Variants in OR2T34 observed in about 807,000 individuals in gnomAD.
OR2T34 encodes olfactory receptor family 2 subfamily T member 34.
For synonymous variants in OR2T34, 73 were observed against 151.2 expected, an observed-to-expected ratio of 0.48 and a Z score of 3.79; for missense variants, 200 against 384.5, an observed-to-expected ratio of 0.52 and a Z score of 4.01.
rs1392381767 is a variant in OR2T34, at chr1:248,574,164, G to A, written c.594C>T (p.Ser198=). The change falls in exon 1 of 1, where the codon TCC becomes TCT. Residue 198 remains serine (S), a synonymous_variant. Transcript: ENST00000328782. ...ACAGGTACGTGAGCATCTTATAGAG[G>A]GAGACGTCAGAGCAGGAGAGCTTCA... ...ALLKLSCSDV[S]LYKMLTYLCC... 6.2e-7 allele frequency: 1 copy of A among 1,606,964 alleles called. No individual in the cohort carries two copies. Among genetic ancestry groups the A allele is most frequent in the South Asian group, 1.1e-5 (1 of 91,062 alleles).
rs1172052423 is a variant in OR2T34 at position 248,574,025 on chromosome 1, TG to T, written c.732del (p.Thr245ProfsTer6). On this transcript the variant is annotated frameshift_variant, in exon 1 of 1. Coordinates refer to ENST00000328782, the MANE Select transcript of OR2T34 (RefSeq NM_001001821.1). LOFTEE classifies it low-confidence loss of function (END_TRUNC). ...NSAAGRRKAL[A>X]TCSSHMIIVL... The stretch of plus-strand genomic sequence containing the variant: ...ACTATGATCATGTGGGAGGAGCAGG[TG>T]GCCAAGGCCTTCCTGCGGCCGGCGG... 2 of 1,591,914 alleles carry T rather than the reference TG, an allele frequency of 1.3e-6. No individual in the cohort carries two copies. The highest frequency in any genetic ancestry group is 1.6e-5 in the African/African-American group (1 of 62,416).
chr1:248,573,927 C>T lies in OR2T34; in HGVS notation c.831G>A (p.Met277Ile), dbSNP rs777882650. The T allele has an allele frequency of 1.8e-6, 2 of 1,115,240 alleles. No individual in the cohort carries two copies. Among genetic ancestry groups the T allele is most frequent in the East Asian group, 4.9e-5 (2 of 40,604 alleles). The allele number at this position is 1,115,240 out of a possible 1,614,324, so 69.1% of individuals were successfully genotyped here. Residue 277 changes from methionine to isoleucine, a missense_variant, in exon 1 of 1, where the codon ATG becomes ATA. Physicochemically the swap from Met to Ile is conservative, Grantham distance 10. Transcript: ENST00000328782. Reference protein sequence around the residue: ...RSSYHTAEQDMMVSAFYTIFT... With the variant: ...RSSYHTAEQDIMVSAFYTIFT... ...AGATGGTGTAAAAGGCAGACACCAT[C>T]ATGTCCTGCTCAGCTGTGTGGTAGG...
In OR2T34 at chr1:248,574,042, C is replaced by T. The variant is rs61833441; in HGVS notation, c.716G>A (p.Arg239His). 0.12 allele frequency: 149,439 copies of T among 1,227,308 alleles called. 6,762 individuals are homozygous for T. Among genetic ancestry groups the T allele is most frequent in the East Asian group, 0.33 (10,369 of 31,260 alleles). 76.0% of individuals were successfully genotyped at this position (1,227,308 alleles called of 1,614,324 possible). Reference protein sequence around the residue: ...LIHRMNSAAGRRKALATCSSH... With the variant: ...LIHRMNSAAGHRKALATCSSH... Reference sequence around the variant, plus strand: ...GGAGCAGGTGGCCAAGGCCTTCCTGCGGCCGGCGGCAGAATTCATCCTGTG... The same window carrying T: ...GGAGCAGGTGGCCAAGGCCTTCCTGTGGCCGGCGGCAGAATTCATCCTGTG... The change falls in exon 1 of 1, where the codon CGC (arginine) becomes CAC (histidine). Residue 239 changes from arginine (R) to histidine (H), a missense_variant. Arg to His is a conservative substitution (Grantham distance 29, BLOSUM62 0). Transcript: ENST00000328782.
Position 248,574,196 on chromosome 1 carries a change from C to G in OR2T34, c.562G>C (p.Ala188Pro), listed in dbSNP as rs1659717921. The stretch of plus-strand genomic sequence containing the variant: ...TCAGAGCAGGAGAGCTTCAGCAGGG[C>G]AGGAGTCTCACAGAAAAAACTCAGG... Reference protein sequence around the residue: ...KILSFFCETPALLKLSCSDVS... With the variant: ...KILSFFCETPPLLKLSCSDVS... Residue 188 changes from alanine (A) to proline (P), a missense_variant, in exon 1 of 1, where the codon GCC becomes CCC. Ala to Pro is a conservative substitution (Grantham distance 27). Coordinates refer to ENST00000328782, the MANE Select transcript of OR2T34 (RefSeq NM_001001821.1). 1.2e-6 allele frequency: 2 copies of G among 1,607,472 alleles called. No individual in the cohort carries two copies. The highest frequency in any genetic ancestry group is 2.9e-5 in the African/African-American group (2 of 69,194).
chr1:248,573,987 G>A lies in OR2T34; in HGVS notation c.771C>T (p.Phe257=), dbSNP rs757322498. The A allele has an allele frequency of 1.3e-5, 20 of 1,556,272 alleles. No homozygotes were observed. Among genetic ancestry groups the A allele is most frequent in the South Asian group, 5.6e-5 (5 of 89,284 alleles). Residue 257 remains phenylalanine (F), a synonymous_variant, in exon 1 of 1, where the codon TTC becomes TTT. Coordinates refer to ENST00000328782, the MANE Select transcript of OR2T34 (RefSeq NM_001001821.1). ...GCATGTAGGTGTAGAAGGAAGCACC[G>A]AAGAGCAGCAGCACTATGATCATGT... ...SSHMIIVLLL[F]GASFYTYMLR... is the part of the protein sequence containing the mutation.
Position 248,574,436 on chromosome 1 carries a change from A to G in OR2T34, c.322T>C (p.Phe108Leu). ...SPSGCGIQMF[F>L]HLTLAGAEVF... ...TCAGCTCCAGCCAGGGTCAGGTGGA[A>G]GAACATCTGGATCCCACAGCCTGAC... Residue 108 changes from phenylalanine to leucine, a missense_variant, in exon 1 of 1, where the codon TTC (phenylalanine) becomes CTC (leucine). By Grantham distance (22) the Phe-to-Leu change is conservative. Coordinates refer to ENST00000328782, the MANE Select transcript of OR2T34 (RefSeq NM_001001821.1). The G allele has an allele frequency of 3.2e-6, 5 of 1,587,224 alleles. No individual in the cohort carries two copies. The highest frequency in any genetic ancestry group is 3.4e-6 in the Non-Finnish European group (4 of 1,162,312).
rs764235396 is a variant in OR2T34 at position 248,574,454 on chromosome 1, A to G, written c.304T>C (p.Cys102Arg). Residue 102 changes from cysteine (C) to arginine (R), a missense_variant, in exon 1 of 1, where the codon TGT becomes CGT. By Grantham distance (180) the Cys-to-Arg change is radical (BLOSUM62 -3). Transcript: ENST00000328782. ...TGDDTISPSG[C>R]GIQMFFHLTL... ...AGGTGGAAGAACATCTGGATCCCAC[A>G]GCCTGACGGGGAAATGGTATCATCT... is the stretch of plus-strand genomic sequence containing the variant. 31 of 1,586,604 alleles carry G rather than the reference A, an allele frequency of 2.0e-5. 1 individual carries two copies. The highest frequency in any genetic ancestry group is 2.6e-5 in the Non-Finnish European group (30 of 1,162,284).
Position 248,574,085 on chromosome 1 carries a change from G to A in OR2T34, c.673C>T (p.Leu225Phe), listed in dbSNP as rs775675620. 3 of 1,606,936 alleles carry A rather than the reference G, an allele frequency of 1.9e-6. No homozygotes were observed. Among genetic ancestry groups the A allele is most frequent in the Non-Finnish European group, 2.5e-6 (3 of 1,179,666 alleles). ...ATCCTGTGGATGAGATGCAGGATGAGGGTGTATGAGCTGGAGATGACCATG... is the reference window on the plus strand; with the variant it reads ...ATCCTGTGGATGAGATGCAGGATGAAGGTGTATGAGCTGGAGATGACCATG... ...PIMVISSSYT[L>F]ILHLIHRMNS... The change falls in exon 1 of 1, where the codon CTC (leucine) becomes TTC (phenylalanine). Residue 225 changes from leucine (L) to phenylalanine (F), a missense_variant. Transcript: ENST00000328782.
Position 248,573,961 on chromosome 1 carries a change from A to C in OR2T34, c.797T>G (p.Leu266Arg). ...CTCAGCTGTGTGGTAGGAACTCCGG[A>C]GCATGTAGGTGTAGAAGGAAGCACC... ...LFGASFYTYM[L>R]RSSYHTAEQD... Residue 266 changes from leucine (L) to arginine (R), a missense_variant, in exon 1 of 1, where the codon CTC (leucine) becomes CGC (arginine). Transcript: ENST00000328782. 1 of 967,262 alleles carries C rather than the reference A, an allele frequency of 1.0e-6. No individual in the cohort carries two copies. Among genetic ancestry groups the C allele is most frequent in the Non-Finnish European group, 1.6e-6 (1 of 637,878 alleles). The allele number at this position is 967,262 out of a possible 1,614,324, so 59.9% of individuals were successfully genotyped here. A position where few individuals can be genotyped will look rare whatever the true frequency, so the allele number is the denominator to read the frequency against.
In OR2T34 at chr1:248,574,051, G is replaced by A. The variant is rs780654633; in HGVS notation, c.707C>T (p.Ala236Val). ...GGCCAAGGCCTTCCTGCGGCCGGCG[G>A]CAGAATTCATCCTGTGGATGAGATG... Reference protein sequence around the residue: ...ILHLIHRMNSAAGRRKALATC... With the variant: ...ILHLIHRMNSVAGRRKALATC... Residue 236 changes from alanine to valine, a missense_variant, in exon 1 of 1, where the codon GCC (alanine) becomes GTC (valine). Ala to Val is a moderately conservative substitution (Grantham distance 64, BLOSUM62 0). Coordinates refer to ENST00000328782, the MANE Select transcript of OR2T34 (RefSeq NM_001001821.1). 20 of 1,603,572 alleles carry A rather than the reference G, an allele frequency of 1.2e-5. No homozygotes were observed. The highest frequency in any genetic ancestry group is 1.7e-4 in the Middle Eastern group (1 of 6,052).
chr1:248,574,729 T>C lies in OR2T34; in HGVS notation c.29A>G (p.Asn10Ser). MCSGNQTSQ[N>S]QTASTDFTLT... ...GGTGAAATCAGTGCTTGCTGTTTGA[T>C]TCTGAGAAGTCTGATTCCCTGAGCA... Residue 10 changes from asparagine (N) to serine (S), a missense_variant, in exon 1 of 1, where the codon AAT becomes AGT. By Grantham distance (46) the Asn-to-Ser change is conservative (BLOSUM62 1). Transcript: ENST00000328782. 6.3e-7 allele frequency: 1 copy of C among 1,578,628 alleles called. No homozygotes were observed. Among genetic ancestry groups the C allele is most frequent in the Non-Finnish European group, 8.6e-7 (1 of 1,161,444 alleles).
rs145246159 is a variant in OR2T34, at chr1:248,574,453, C to T, written c.305G>A (p.Cys102Tyr). ...TGDDTISPSG[C>Y]GIQMFFHLTL... ...CAGGTGGAAGAACATCTGGATCCCACAGCCTGACGGGGAAATGGTATCATC... is the reference window on the plus strand; with the variant it reads ...CAGGTGGAAGAACATCTGGATCCCATAGCCTGACGGGGAAATGGTATCATC... The change falls in exon 1 of 1, where the codon TGT (cysteine) becomes TAT (tyrosine). Residue 102 changes from cysteine to tyrosine, a missense_variant. Coordinates refer to ENST00000328782, the MANE Select transcript of OR2T34 (RefSeq NM_001001821.1). 7.1e-4 allele frequency: 1,127 copies of T among 1,586,702 alleles called. 53 individuals carry two copies. In the East Asian group the frequency reaches 0.02, roughly 29 times the overall value.
In OR2T34 at chr1:248,574,110, G is replaced by C; in HGVS notation, c.648C>G (p.Ile216Met). 1 of 1,606,780 alleles carries C rather than the reference G, an allele frequency of 6.2e-7. No individual in the cohort carries two copies. The highest frequency in any genetic ancestry group is 1.1e-5 in the South Asian group (1 of 91,072). ...LCCILMLLTP[I>M]MVISSSYTLI... is the part of the protein sequence containing the mutation. ...GGGTGTATGAGCTGGAGATGACCAT[G>C]ATGGGGGTGAGAAGCATGAGGATGC... The change falls in exon 1 of 1, where the codon ATC becomes ATG. Residue 216 changes from isoleucine (I) to methionine (M), a missense_variant. By Grantham distance (10) the Ile-to-Met change is conservative (BLOSUM62 1). Transcript: ENST00000328782.
rs200941698 is a variant in OR2T34, at chr1:248,574,462, G to A, written c.296C>T (p.Pro99Leu). The A allele has an allele frequency of 1.9e-4, 309 of 1,586,042 alleles. 25 individuals carry two copies. The highest frequency in any genetic ancestry group is 4.4e-5 in the South Asian group (4 of 90,040). Residue 99 changes from proline (P) to leucine (L), a missense_variant, in exon 1 of 1, where the codon CCG (proline) becomes CTG (leucine). Transcript: ENST00000328782. ...GAACATCTGGATCCCACAGCCTGAC[G>A]GGGAAATGGTATCATCTCCAGTGAC... Reference protein sequence around the residue: ...GQVTGDDTISPSGCGIQMFFH... With the variant: ...GQVTGDDTISLSGCGIQMFFH...
Position 248,574,492 on chromosome 1 carries a change from C to T in OR2T34, c.266G>A (p.Gly89Asp), listed in dbSNP as rs1279305265. The part of the protein sequence containing the change: ...LCVTVPKMLV[G>D]QVTGDDTISP... ...AATGGTATCATCTCCAGTGACCTGG[C>T]CCACAAGCATCTTGGGCACAGTCAC... is the stretch of plus-strand genomic sequence containing the variant. Residue 89 changes from glycine to aspartate, a missense_variant, in exon 1 of 1, where the codon GGC becomes GAC. Transcript: ENST00000328782. 4 of 1,573,416 alleles carry T rather than the reference C, an allele frequency of 2.5e-6. No individual in the cohort carries two copies. The highest frequency in any genetic ancestry group is 3.4e-5 in the Admixed American group (2 of 58,564).
In OR2T34 at chr1:248,574,134, G is replaced by A. The variant is rs1463762487; in HGVS notation, c.624C>T (p.Cys208=). ...SLYKMLTYLC[C]ILMLLTPIMV... ...TGATGGGGGTGAGAAGCATGAGGAT[G>A]CAGCACAGGTACGTGAGCATCTTAT... The change falls in exon 1 of 1, where the codon TGC becomes TGT. Residue 208 remains cysteine, a synonymous_variant. Transcript: ENST00000328782. The A allele has an allele frequency of 6.2e-7, 1 of 1,607,038 alleles. No homozygotes were observed. Among genetic ancestry groups the A allele is most frequent in the Non-Finnish European group, 8.5e-7 (1 of 1,179,758 alleles).
chr1:248,574,310 C>G lies in OR2T34; in HGVS notation c.448G>C (p.Val150Leu). 1 of 1,585,856 alleles carries G rather than the reference C, an allele frequency of 6.3e-7. No individual in the cohort carries two copies. Among genetic ancestry groups the G allele is most frequent in the Non-Finnish European group, 8.6e-7 (1 of 1,162,530 alleles). ...ATTCCCAAAACCCAGCAGGCTGACA[C>G]CAGGAGCTGGCACACCCTCTGGTTC... ...LMNQRVCQLL[V>L]SACWVLGMVD... Residue 150 changes from valine to leucine, a missense_variant, in exon 1 of 1, where the codon GTG becomes CTG. Val to Leu is a conservative substitution (Grantham distance 32, BLOSUM62 1). Transcript: ENST00000328782.
rs371418752 is a variant in OR2T34, at chr1:248,574,345, G to A, written c.413C>T (p.Pro138Leu). The change falls in exon 1 of 1, where the codon CCA becomes CTA. Residue 138 changes from proline to leucine, a missense_variant. Pro to Leu is a moderately conservative substitution (Grantham distance 98, BLOSUM62 -3). Transcript: ENST00000328782. ...YAAVCRPLHY[P>L]LLMNQRVCQL... Reference sequence around the variant, plus strand: ...GCACACCCTCTGGTTCATCAGCAGTGGGTAATGGAGAGGTCTGCAAACAGC... The same window carrying A: ...GCACACCCTCTGGTTCATCAGCAGTAGGTAATGGAGAGGTCTGCAAACAGC... 10 of 1,580,200 alleles carry A rather than the reference G, an allele frequency of 6.3e-6. No individual in the cohort carries two copies. Among genetic ancestry groups the A allele is most frequent in the Non-Finnish European group, 8.7e-6 (10 of 1,155,854 alleles).
chr1:248,574,041 G>T lies in OR2T34; in HGVS notation c.717C>A (p.Arg239=). 6.3e-7 allele frequency: 1 copy of T among 1,597,338 alleles called. No individual in the cohort carries two copies. The highest frequency in any genetic ancestry group is 8.5e-7 in the Non-Finnish European group (1 of 1,175,840). ...AGGAGCAGGTGGCCAAGGCCTTCCT[G>T]CGGCCGGCGGCAGAATTCATCCTGT... ...LIHRMNSAAG[R]RKALATCSSH... The change falls in exon 1 of 1, where the codon CGC becomes CGA. Residue 239 remains arginine, a synonymous_variant. Coordinates refer to ENST00000328782, the MANE Select transcript of OR2T34 (RefSeq NM_001001821.1).
Sources: gnomAD v4.1 joint callset for allele counts on GRCh38, gnomAD v4.1.1 for gene constraint, MANE v1.5 for transcripts, NCBI Gene and HGNC (gene_info 2026-07-23, HGNC 2026-07-21) for gene names.